The following ASCC3 variants were observed in gnomAD, a reference collection of about 807,000 sequenced individuals.
ASCC3 encodes the protein activating signal cointegrator 1 complex subunit 3.
ASCC3 carries 158 observed loss-of-function variants against 256.3 expected under a neutral mutation model. The observed-to-expected ratio is 0.62, with a 90% CI of 0.54 to 0.70. The LOEUF is 0.70. Ranked by LOEUF, ASCC3 falls within the 30% of genes least tolerant of loss-of-function variation. The pLI is 0.00. For synonymous variants in ASCC3, 948 were observed against 883.4 expected (o/e 1.07, Z -1.30); for missense variants, 2,259 against 2,626.0 (o/e 0.86, Z 3.05).
intron 12 of ASCC3, among the ~76,000 whole-genome samples, chr6:100,716,972 A>G (rs1480870535): frequency 1.3e-5 from 2 of 151,862 alleles, no homozygotes; most frequent in African/African-American, 4.8e-5. Flanking sequence ...TATGTTAAAA[A>G]TGAACTACAT....
chr6:100,841,212 A>G (rs1231958588), intron 4 of ASCC3, among the ~76,000 whole-genome samples: 1 of 152,204 alleles, frequency 6.6e-6, no homozygotes, highest in Non-Finnish European at 1.5e-5. Flanking sequence ...ACAGCAAAGG[A>G]GATAGTAGTA....
At chr6:100,671,563 T>G (rs1258616771) in intron 14 of ASCC3, among the ~76,000 whole-genome samples, 1 of 152,048 alleles carries the variant, frequency 6.6e-6, no homozygotes, top group Non-Finnish European at 1.5e-5. Flanking sequence ...TTTGGTTTCC[T>G]CTGACTTAAT....
At chr6:100,568,449 G>C (rs899451622) in intron 36 of ASCC3, among the ~76,000 whole-genome samples, 1 of 150,940 alleles carries the variant, frequency 6.6e-6, no homozygotes, top group Non-Finnish European at 1.5e-5. Context: ...GATGATTAGC[G>C]ATGTGGAGCA....
intron 37 of ASCC3, among the ~76,000 whole-genome samples, chr6:100,535,580 G>A (rs983836168): frequency 2.7e-5 from 4 of 146,380 alleles, no homozygotes; most frequent in African/African-American, 7.6e-5. Flanking sequence ...AGCAGTTCTC[G>A]GCCTCAGCCT....
intron 30 of ASCC3, among the ~76,000 whole-genome samples, chr6:100,612,765 T>C (rs1773472611): frequency 6.6e-6 from 1 of 151,916 alleles, no homozygotes; most frequent in South Asian, 2.1e-4. Context: ...ATTCAAGAAA[T>C]AAATGAATTA....
rs189665851 is a variant in ASCC3 at position 100,752,016 on chromosome 6, A to C, written c.1737+14549T>G. Among the ~76,000 whole-genome samples the C allele has an allele frequency of 1.5e-3, 223 of 152,234 alleles. 1 individual carries two copies. Among genetic ancestry groups the C allele is most frequent in the African/African-American group, 5.2e-3 (217 of 41,558 alleles). ...TTTTGAGAATTTCTTTCATTATATT[A>C]CTGATTGTTCTTTTTTATAGGAGTC... On this transcript the variant is annotated intron_variant, in intron 10 of 41. Coordinates refer to ENST00000369162, the MANE Select transcript of ASCC3 (RefSeq NM_006828.4).
chr6:100,748,519 AT>A (rs1210031620), intron 10 of ASCC3, among the ~76,000 whole-genome samples: 1 of 152,064 alleles, frequency 6.6e-6, no homozygotes, highest in Non-Finnish European at 1.5e-5. Context: ...TTTAAGGTAA[AT>A]TGGAAAGACT....
At chr6:100,796,923 C>T (rs72947027) in intron 8 of ASCC3, among the ~76,000 whole-genome samples, 3,887 of 152,080 alleles carry the variant, frequency 0.026, 72 homozygotes, top group Non-Finnish European at 0.032. Flanking sequence ...TAATGATGCC[C>T]CCCAAAAATC....
At chr6:100,734,997 T>C (rs1056676302) in intron 10 of ASCC3, among the ~76,000 whole-genome samples, 6 of 152,150 alleles carry the variant, frequency 3.9e-5, no homozygotes, top group Non-Finnish European at 8.8e-5. Context: ...GAGCAGGGTA[T>C]AAAAAGTCTA....
At chr6:100,509,831 T>C in intron 41 of ASCC3, 101 bp downstream of exon 41, 1 of 1,209,514 alleles carries the variant, frequency 8.3e-7, no homozygotes. Flanking sequence ...GAGCTTGCAG[T>C]GAGCAGAGAT....
intron 4 of ASCC3, among the ~76,000 whole-genome samples, chr6:100,817,453 T>C (rs965742625): frequency 7.9e-5 from 12 of 151,070 alleles, no homozygotes; most frequent in Non-Finnish European, 1.5e-4. Context: ...AAATCAAAAA[T>C]AGAAAAACAA....
At chr6:100,757,785 G>C (rs1781250141) in intron 10 of ASCC3, among the ~76,000 whole-genome samples, 5 of 152,174 alleles carry the variant, frequency 3.3e-5, no homozygotes, top group Admixed American at 3.3e-4. Context: ...CTGGCAGGGA[G>C]TTCCTGGAGT....
At chr6:100,725,745 G>A (rs780585234) in intron 10 of ASCC3, 42 bp from the exon 11 acceptor site, 2 of 1,599,712 alleles carry the variant, frequency 1.3e-6, no homozygotes, top group East Asian at 2.2e-5. Flanking sequence ...AGTTACATAG[G>A]TTATTTAACA....
intron 23 of ASCC3, among the ~76,000 whole-genome samples, chr6:100,643,461 T>C (rs1775227084): frequency 6.6e-6 from 1 of 152,156 alleles, no homozygotes; most frequent in African/African-American, 2.4e-5. Context: ...TCTTAAACCA[T>C]GGTAAAGATT....
intron 3 of ASCC3, chr6:100,858,311 C>T (rs1234691081): frequency 2.9e-6 from 1 of 346,000 alleles, no homozygotes; most frequent in Non-Finnish European, 4.1e-6. Context: ...TCTTTATGCC[C>T]TTACTTTTTC....
At chr6:100,616,607 G>A (rs1480291031) in intron 30 of ASCC3, among the ~76,000 whole-genome samples, 3 of 152,078 alleles carry the variant, frequency 2.0e-5, no homozygotes, top group Non-Finnish European at 2.9e-5. Context: ...TCCATGGTTT[G>A]CTCCAGTCAG....
rs1772637710 is a variant in ASCC3, at chr6:100,601,911, G to A, written c.5202C>T (p.His1734=). The A allele has an allele frequency of 6.2e-7, 1 of 1,612,346 alleles. No individual in the cohort carries two copies. Among genetic ancestry groups the A allele is most frequent in the Non-Finnish European group, 8.5e-7 (1 of 1,178,886 alleles). ...TACCACCAGCAATCTCTGCATTTAA[G>A]TGGTCAGAGAGCACTCCTAATAAAC... ...ESSLLGVLSD[H]LNAEIAGGTI... is the part of the protein sequence containing the mutation. The change falls in exon 34 of 42, where the codon CAC becomes CAT. Residue 1734 remains histidine, a synonymous_variant. Transcript: ENST00000369162.
In ASCC3 at chr6:100,820,576, T is replaced by TAA. The variant is rs368343129; in HGVS notation, c.802-14698_802-14697dup. ...TAAATCTTTACAGATGTAGATATGGTAAAAAAAAATTCCTAACTATGACAT... is the reference window on the plus strand; with the variant it reads ...TAAATCTTTACAGATGTAGATATGGTAAAAAAAAAAATTCCTAACTATGACAT... On this transcript the variant is annotated intron_variant, in intron 4 of 41. Coordinates refer to ENST00000369162, the MANE Select transcript of ASCC3 (RefSeq NM_006828.4). Among the ~76,000 whole-genome samples, 1,092 of 151,356 alleles carry TAA rather than the reference T, an allele frequency of 7.2e-3. 10 individuals carry two copies. Among genetic ancestry groups the TAA allele is most frequent in the African/African-American group, 0.025 (1,052 of 41,258 alleles).
chr6:100,619,248 G>A (rs1773825141), intron 30 of ASCC3, among the ~76,000 whole-genome samples: 1 of 152,104 alleles, frequency 6.6e-6, no homozygotes, highest in East Asian at 1.9e-4. Flanking sequence ...CTAGTTCGGA[G>A]GCTTATTATC....
Sources: allele counts gnomAD v4.1 joint callset (sites outside exome capture counted in the v4.1 genomes callset), GRCh38; gene constraint gnomAD v4.1.1; transcripts MANE v1.5; gene names NCBI Gene and HGNC (gene_info 2026-07-23, HGNC 2026-07-21).